The following ZNF804B variants were observed in gnomAD, a reference collection of about 807,000 sequenced individuals.
ZNF804B encodes zinc finger protein 804B.
Under a neutral mutation model 101.4 loss-of-function variants are expected in ZNF804B, and 80 were observed. The ratio of observed to expected loss-of-function variants is 0.79; its 90% CI spans 0.66 to 0.95. The LOEUF (loss-of-function observed/expected upper bound fraction) is 0.95, where lower values mean the gene tolerates loss of function less well. Among genes scored for constraint, ZNF804B ranks in the 40% least tolerant of loss-of-function variants. ZNF804B has a pLI of 0.00. For synonymous variants in ZNF804B, 622 were observed against 558.8 expected, an observed-to-expected ratio of 1.11 and a Z score of -1.59; for missense variants, 1,673 against 1,561.9, an observed-to-expected ratio of 1.07 and a Z score of -1.20.
chr7:88,809,619 A>G (rs1790751411), intron 1 of ZNF804B, among the ~76,000 whole-genome samples: 2 of 152,212 alleles, frequency 1.3e-5, no homozygotes, highest in East Asian at 1.9e-4. Context: ...GAATTTGCTA[A>G]TTTGACAAAT....
At chr7:89,176,403 C>T (rs1466429181) in intron 1 of ZNF804B, among the ~76,000 whole-genome samples, 1 of 151,864 alleles carries the variant, frequency 6.6e-6, no homozygotes, top group Admixed American at 6.6e-5. Flanking sequence ...CATTGACTGA[C>T]TTGCATATGT....
intron 1 of ZNF804B, among the ~76,000 whole-genome samples, chr7:89,031,584 AT>A (rs1423895610): frequency 2.0e-5 from 3 of 151,420 alleles, no homozygotes; most frequent in South Asian, 2.1e-4. Flanking sequence ...ATACATCCTA[AT>A]TTTTTTTCCT....
rs1265553505 is a variant in ZNF804B, at chr7:89,333,887, T to C, written c.905T>C (p.Ile302Thr). 1 of 1,613,458 alleles carries C rather than the reference T, an allele frequency of 6.2e-7. No individual in the cohort carries two copies. Among genetic ancestry groups the C allele is most frequent in the Admixed American group, 1.7e-5 (1 of 59,870 alleles). Residue 302 changes from isoleucine to threonine, a missense_variant, in exon 4 of 4, where the codon ATT becomes ACT. By Grantham distance (89) the Ile-to-Thr change is moderately conservative (BLOSUM62 -1). Coordinates refer to ENST00000333190, the MANE Select transcript of ZNF804B (RefSeq NM_181646.5). ...AATACCATCTCCATAAACTCTAAAATTTTGCAAGACAAACACGACTCTATT... is the reference window on the plus strand; with the variant it reads ...AATACCATCTCCATAAACTCTAAAACTTTGCAAGACAAACACGACTCTATT... ...LHNTISINSK[I>T]LQDKHDSIDE...
intron 2 of ZNF804B, among the ~76,000 whole-genome samples, chr7:89,293,999 T>A (rs1342041188): frequency 1.3e-5 from 2 of 152,156 alleles, no homozygotes; most frequent in Non-Finnish European, 2.9e-5. Flanking sequence ...TCCTACCCAT[T>A]TCTATGGCAA....
chr7:89,202,385 A>G (rs1788655387), intron 1 of ZNF804B, among the ~76,000 whole-genome samples: 1 of 152,080 alleles, frequency 6.6e-6, no homozygotes, highest in Non-Finnish European at 1.5e-5. Context: ...CAAAACTCTA[A>G]ATGCATTTTT....
At chr7:89,210,733 T>C (rs1197919238) in intron 1 of ZNF804B, among the ~76,000 whole-genome samples, 2 of 152,224 alleles carry the variant, frequency 1.3e-5, no homozygotes, top group Admixed American at 6.5e-5. Context: ...ATTTTCTTTA[T>C]CCAGTCTATC....
At chr7:89,150,544 T>C (rs76404814) in intron 1 of ZNF804B, among the ~76,000 whole-genome samples, 2 of 152,142 alleles carry the variant, frequency 1.3e-5, no homozygotes, top group African/African-American at 4.8e-5. Context: ...TTTAACCCTG[T>C]CTGCATTCCA....
At chr7:89,171,527 C>G (rs750763196) in intron 1 of ZNF804B, among the ~76,000 whole-genome samples, 1 of 151,784 alleles carries the variant, frequency 6.6e-6, no homozygotes, top group African/African-American at 2.4e-5. Flanking sequence ...CTCTGCCTCC[C>G]GGGTTCAAGC....
chr7:88,863,934 C>T (rs990536248), intron 1 of ZNF804B, among the ~76,000 whole-genome samples: 8 of 152,164 alleles, frequency 5.3e-5, no homozygotes, highest in South Asian at 2.1e-4. Context: ...GGCTCTGTCT[C>T]CTTTATGTCT....
rs78970530 is a variant in ZNF804B at position 88,930,383 on chromosome 7, C to G, written c.108+170299C>G. On this transcript the variant is annotated intron_variant, in intron 1 of 3. Transcript: ENST00000333190. ...CATCACAAACAGCCAGCTAAACCTC[C>G]AACAATTTAAAAGGCAACCTACTTC... Among the ~76,000 whole-genome samples the G allele has an allele frequency of 6.9e-3, 1,055 of 151,956 alleles. 9 individuals are homozygous for G. Among genetic ancestry groups the G allele is most frequent in the South Asian group, 0.032 (156 of 4,824 alleles).
chr7:89,048,791 A>G (rs1789153664), intron 1 of ZNF804B, among the ~76,000 whole-genome samples: 1 of 151,848 alleles, frequency 6.6e-6, no homozygotes, highest in Non-Finnish European at 1.5e-5. Context: ...ACTGCTCTTA[A>G]TTATTTCCTT....
intron 1 of ZNF804B, among the ~76,000 whole-genome samples, chr7:89,030,417 A>G (rs1353919673): frequency 1.3e-5 from 2 of 152,166 alleles, no homozygotes; most frequent in African/African-American, 4.8e-5. Context: ...ATATTGCTAT[A>G]TCAGAGAGTA....
At chr7:89,017,607 G>T (rs955431532) in intron 1 of ZNF804B, among the ~76,000 whole-genome samples, 4 of 152,176 alleles carry the variant, frequency 2.6e-5, no homozygotes. Context: ...GATAGCTTTG[G>T]ATAGTATGGC....
At chr7:88,851,912 A>G (rs1317551511) in intron 1 of ZNF804B, among the ~76,000 whole-genome samples, 1 of 152,112 alleles carries the variant, frequency 6.6e-6, no homozygotes, top group African/African-American at 2.4e-5. Flanking sequence ...AGCATTGAGT[A>G]CCATGTGATA....
intron 1 of ZNF804B, among the ~76,000 whole-genome samples, chr7:88,785,861 G>A (rs1193608356): frequency 6.6e-6 from 1 of 152,070 alleles, no homozygotes; most frequent in African/African-American, 2.4e-5. Context: ...TTAACTTTCA[G>A]AAATCCCTGT....
At chr7:89,235,756 C>G (rs985845026) in intron 2 of ZNF804B, among the ~76,000 whole-genome samples, 2 of 148,650 alleles carry the variant, frequency 1.3e-5, no homozygotes, top group Non-Finnish European at 3.0e-5. Context: ...AATTTAGGCC[C>G]CAATTTTTTT....
At chr7:88,857,499 A>G (rs1791582487) in intron 1 of ZNF804B, among the ~76,000 whole-genome samples, 1 of 152,224 alleles carries the variant, frequency 6.6e-6, no homozygotes, top group Non-Finnish European at 1.5e-5. Flanking sequence ...ACACAAAAAA[A>G]CTAGAAAATC....
chr7:88,959,569 C>T (rs779548685), intron 1 of ZNF804B, among the ~76,000 whole-genome samples: 2 of 151,258 alleles, frequency 1.3e-5, no homozygotes, highest in Non-Finnish European at 3.0e-5. Flanking sequence ...GTCATTTCTC[C>T]TTCTAAGCTC....
chr7:89,219,957 A>ATGTGTGCATATATATGTATATACATATG (rs1554380155), intron 2 of ZNF804B, among the ~76,000 whole-genome samples: 1,443 of 130,732 alleles, frequency 0.011, 514 homozygotes, highest in African/African-American at 0.045. Context: ...ATATACATAT[A>ATGTGTGCATATATATGTATATACATATG]TGTGTGCATA....
Sources: allele counts gnomAD v4.1 joint callset (sites outside exome capture counted in the v4.1 genomes callset), GRCh38; gene constraint gnomAD v4.1.1; transcripts MANE v1.5; gene names NCBI Gene and HGNC (gene_info 2026-07-23, HGNC 2026-07-21).